Variants in CR1 observed in about 807,000 individuals in gnomAD.
The protein encoded by CR1 is complement C3b/C4b receptor 1 (Knops blood group), also known as complement receptor type 1.
A neutral mutation model predicts 187.3 loss-of-function variants in CR1; 116 were observed. The observed-to-expected ratio is 0.62, with a 90% confidence interval of 0.53 to 0.72. CR1 has a LOEUF of 0.72. CR1 is among the 30% of genes least tolerant of loss of function. CR1 has a pLI of 0.00. For missense variants in CR1, 1,731 were observed against 2,110.7 expected (o/e 0.82, Z 3.52); for synonymous variants, 576 against 747.1 (o/e 0.77, Z 3.73).
intron 4 of CR1, among the ~76,000 whole-genome samples, chr1:207,513,613 T>C (rs1659687736): frequency 1.3e-5 from 2 of 152,212 alleles, no homozygotes; most frequent in South Asian, 4.1e-4. Flanking sequence ...ACAGAGAAAG[T>C]AAGTCTGGAA....
chr1:207,638,370 T>C (rs1662879200), intron 46 of CR1, among the ~76,000 whole-genome samples: 1 of 152,230 alleles, frequency 6.6e-6, no homozygotes, highest in African/African-American at 2.4e-5. Context: ...CTAAACAATG[T>C]AAAATCACAG....
intron 1 of CR1, among the ~76,000 whole-genome samples, chr1:207,497,619 C>G (rs990415037): frequency 3.9e-5 from 6 of 152,168 alleles, no homozygotes; most frequent in African/African-American, 1.4e-4. Context: ...TGTGATAAAA[C>G]GTACAATCTT....
intron 1 of CR1, among the ~76,000 whole-genome samples, chr1:207,501,623 C>A (rs1168898673): frequency 6.6e-6 from 1 of 152,152 alleles, no homozygotes; most frequent in African/African-American, 2.4e-5. Flanking sequence ...TATTCATATA[C>A]TACTATGCAG....
rs1393835169 is a variant in CR1, at chr1:207,630,806, G to A, written c.7457+185G>A. ...TTATTGTCATTTCCAATGTTTTGGG[G>A]TGATGACTCTATAAGTTAGTACAGT... is the stretch of plus-strand genomic sequence containing the variant. On this transcript the variant is annotated intron_variant, in intron 46 of 46. Transcript: ENST00000367049. 2.6e-5 allele frequency among the ~76,000 whole-genome samples: 4 copies of A among 151,992 alleles called. No individual in the cohort carries two copies. The South Asian group carries it at 8.3e-4, about 31-fold the overall frequency.
At chr1:207,497,592 C>A (rs546843133) in intron 1 of CR1, among the ~76,000 whole-genome samples, 1 of 152,162 alleles carries the variant, frequency 6.6e-6, no homozygotes, top group East Asian at 1.9e-4. Context: ...CAGAAAGTAA[C>A]CTGTCAGGTG....
intron 45 of CR1, among the ~76,000 whole-genome samples, chr1:207,627,701 A>G (rs568067021): frequency 7.0e-4 from 106 of 152,304 alleles, no homozygotes; most frequent in African/African-American, 2.6e-3. Flanking sequence ...GCTTGAGCCA[A>G]TGAGTTTAAG....
Position 207,584,683 on chromosome 1 carries a change from TG to T in CR1, c.5340del (p.Arg1781AspfsTer28). On this transcript the variant is annotated frameshift_variant, in exon 33 of 47. Coordinates refer to ENST00000367049, the MANE Select transcript of CR1 (RefSeq NM_000651.6). LOFTEE classifies it high-confidence loss of function. The part of the protein sequence containing the change: ...FCPNPPAILN[G>X]RHTGTPSGDI... ...GTCCAAATCCTCCAGCTATCCTTAA[TG>T]GGAGACACACAGGAACTCCCTCTGG... The T allele has an allele frequency of 6.2e-7, 1 of 1,613,740 alleles. No individual in the cohort carries two copies. Among genetic ancestry groups the T allele is most frequent in the East Asian group, 2.2e-5 (1 of 44,890 alleles).
intron 23 of CR1, among the ~76,000 whole-genome samples, chr1:207,565,111 C>G (rs1360517473): frequency 6.7e-6 from 1 of 149,828 alleles, no homozygotes; most frequent in African/African-American, 2.5e-5. Flanking sequence ...TAGTGCTCTT[C>G]ACAGCGTGCA....
At chr1:207,595,753 G>A (rs968941766) in intron 35 of CR1, among the ~76,000 whole-genome samples, 1 of 151,402 alleles carries the variant, frequency 6.6e-6, no homozygotes, top group Non-Finnish European at 1.5e-5. Flanking sequence ...TCCAAATGGT[G>A]TTGTATCAAA....
intron 35 of CR1, among the ~76,000 whole-genome samples, chr1:207,598,539 C>T (rs1408949564): frequency 6.6e-6 from 1 of 152,002 alleles, no homozygotes; most frequent in African/African-American, 2.4e-5. Context: ...CCTGCCTCAG[C>T]CTGCCGAGTA....
Position 207,618,204 on chromosome 1 carries a change from T to G in CR1, c.7023T>G (p.Cys2341Trp). ...TAGTGGGAAAGGGCTTCATTTTCTG[T>G]ACAGACCAGGGAATCTGGAGCCAAT... ...YLLVGKGFIFCTDQGIWSQLD... is the reference protein window; with the variant it reads ...YLLVGKGFIFWTDQGIWSQLD... The change falls in exon 42 of 47, where the codon TGT (cysteine) becomes TGG (tryptophan). Residue 2341 changes from cysteine (C) to tryptophan (W), a missense_variant. Cys to Trp is a radical substitution (Grantham distance 215, BLOSUM62 -2). This residue lies in a region of CR1 where 1,312 missense variants were observed against 1,379.6 expected (regional missense o/e 0.95). Transcript: ENST00000367049. The G allele has an allele frequency of 6.2e-7, 1 of 1,613,856 alleles. No homozygotes were observed. The highest frequency in any genetic ancestry group is 1.7e-4 in the Middle Eastern group (1 of 6,058).
At chr1:207,511,518 G>A in intron 3 of CR1, 51 bp from the exon 4 acceptor site, 1 of 1,550,870 alleles carries the variant, frequency 6.4e-7, no homozygotes, top group Non-Finnish European at 8.9e-7. Flanking sequence ...ATTTAATTGG[G>A]TAGTTGACCT....
Position 207,506,677 on chromosome 1 carries a change from C to T in CR1, c.302-37C>T, listed in dbSNP as rs767520414. Reference sequence around the variant, plus strand: ...TGTACTAAAAAAAGTTTTTAGTTTACTCTACTTGGCTCCAAAATTCTGTTT... The same window carrying T: ...TGTACTAAAAAAAGTTTTTAGTTTATTCTACTTGGCTCCAAAATTCTGTTT... On this transcript the variant is annotated intron_variant, in intron 2 of 46. Coordinates refer to ENST00000367049, the MANE Select transcript of CR1 (RefSeq NM_000651.6). The T allele has an allele frequency of 1.4e-5, 23 of 1,588,410 alleles. 1 individual carries two copies. In the South Asian group the frequency reaches 2.3e-4, roughly 16 times the overall value.
At chr1:207,502,923 G>A (rs971174557) in intron 1 of CR1, among the ~76,000 whole-genome samples, 1 of 152,166 alleles carries the variant, frequency 6.6e-6, no homozygotes, top group African/African-American at 2.4e-5. Flanking sequence ...TCACTCAGGA[G>A]AGCTGAGGTC....
At chr1:207,567,091 G>T (rs1304721144) in intron 24 of CR1, among the ~76,000 whole-genome samples, 4 of 150,168 alleles carry the variant, frequency 2.7e-5, no homozygotes, top group Non-Finnish European at 4.4e-5. Flanking sequence ...TCTTCCAAAT[G>T]CCAGTTCTAA....
chr1:207,496,962 T>C (rs9429944), intron 1 of CR1, among the ~76,000 whole-genome samples: 1 of 151,962 alleles, frequency 6.6e-6, no homozygotes, highest in Non-Finnish European at 1.5e-5. Context: ...CTCTGTACTT[T>C]GCTCCCAATG....
At chr1:207,632,884 G>C (rs1192063311) in intron 46 of CR1, among the ~76,000 whole-genome samples, 1 of 149,490 alleles carries the variant, frequency 6.7e-6, no homozygotes, top group African/African-American at 2.5e-5. Flanking sequence ...TGTCTCCAAA[G>C]TTCTTGCGTG....
intron 35 of CR1, among the ~76,000 whole-genome samples, chr1:207,592,164 TC>T (rs1321657768): frequency 6.6e-6 from 1 of 152,090 alleles, no homozygotes; most frequent in African/African-American, 2.4e-5. Flanking sequence ...CAGGCCAATA[TC>T]CCTGATGAAC....
At chr1:207,617,499 A>ATGTG (rs1662145814) in intron 41 of CR1, among the ~76,000 whole-genome samples, 1 of 59,408 alleles carries the variant, frequency 1.7e-5, no homozygotes, top group South Asian at 5.0e-4. Context: ...ATATATATAT[A>ATGTG]TATATATATG....
Sources: allele counts gnomAD v4.1 joint callset (sites outside exome capture counted in the v4.1 genomes callset), GRCh38; gene constraint gnomAD v4.1.1; regional missense constraint gnomAD v4.1.1; transcripts MANE v1.5; gene names NCBI Gene and HGNC (gene_info 2026-07-23, HGNC 2026-07-21).